The following CROT variants were observed in gnomAD, a reference collection of about 807,000 sequenced individuals.
CROT encodes peroxisomal carnitine O-octanoyltransferase.
In CROT, 84 loss-of-function variants were observed where a neutral mutation model predicts 89.2. That is an observed-to-expected ratio of 0.94 (90% CI 0.79 to 1.13). The LOEUF is 1.13. Ranked by LOEUF, CROT falls within the 50% of genes most tolerant of loss-of-function variation. The pLI is 0.00. For synonymous variants in CROT, 212 were observed against 239.5 expected (o/e 0.89, Z 1.06); for missense variants, 711 against 727.8 (o/e 0.98, Z 0.27).
At chr7:87,359,557 G>A in intron 4 of CROT, 1 of 1,278,610 alleles carries the variant, frequency 7.8e-7, no homozygotes, top group South Asian at 1.8e-5. Context: ...GATTCACATG[G>A]CTGGAATGAG....
At chr7:87,392,029 G>A (rs1343791197) in intron 14 of CROT, among the ~76,000 whole-genome samples, 1 of 152,160 alleles carries the variant, frequency 6.6e-6, no homozygotes, top group African/African-American at 2.4e-5. Flanking sequence ...GCCTTTAAAA[G>A]GAAGGTTTTC....
chr7:87,361,129 A>T (rs1052442890), intron 4 of CROT, among the ~76,000 whole-genome samples: 3 of 142,122 alleles, frequency 2.1e-5, no homozygotes, highest in South Asian at 4.5e-4. Flanking sequence ...CAGCTAATTA[A>T]TTTTTTTTTT....
At chr7:87,392,468 C>G (rs1807393664) in intron 14 of CROT, 98 bp from the exon 15 acceptor site, 3 of 891,114 alleles carry the variant, frequency 3.4e-6, no homozygotes, top group Non-Finnish European at 5.4e-6. Context: ...CTTTCCTCTC[C>G]CAAATTACCC....
chr7:87,391,684 G>A lies in CROT; in HGVS notation c.1397G>A (p.Cys466Tyr), dbSNP rs1348914088. 6.2e-6 allele frequency: 10 copies of A among 1,610,540 alleles called. No individual in the cohort carries two copies. The highest frequency in any genetic ancestry group is 8.5e-6 in the Non-Finnish European group (10 of 1,178,752). ...TGCACAGTTGAAGCAGTGAGGTGGTGCCAGTCCATGCAGGATCCTTCTGTC... is the reference window on the plus strand; with the variant it reads ...TGCACAGTTGAAGCAGTGAGGTGGTACCAGTCCATGCAGGATCCTTCTGTC... ...RSCTVEAVRW[C>Y]QSMQDPSVNL... The change falls in exon 14 of 18, where the codon TGC becomes TAC. Residue 466 changes from cysteine to tyrosine, a missense_variant. Coordinates refer to ENST00000331536, the MANE Select transcript of CROT (RefSeq NM_021151.4).
At chr7:87,388,662 C>T (rs192641661) in intron 13 of CROT, among the ~76,000 whole-genome samples, 2 of 152,092 alleles carry the variant, frequency 1.3e-5, no homozygotes, top group African/African-American at 2.4e-5. Flanking sequence ...AGACCTAAAC[C>T]CATAAAAACT....
chr7:87,357,477 A>G (rs2115822829), intron 3 of CROT: 1 of 1,551,702 alleles, frequency 6.4e-7, no homozygotes, highest in South Asian at 1.2e-5. Flanking sequence ...TCTCCTCAGC[A>G]TGGGATCTCA....
rs1382593122 is a variant in CROT, at chr7:87,359,569, C to T, written c.240+239C>T. 5.6e-6 allele frequency: 7 copies of T among 1,244,802 alleles called. No homozygotes were observed. In the African/African-American group the frequency reaches 6.2e-5, roughly 11 times the overall value. 77.1% of individuals were successfully genotyped at this position (1,244,802 alleles called of 1,614,324 possible). The stretch of plus-strand genomic sequence containing the variant: ...TCTGATTCACATGGCTGGAATGAGG[C>T]CCAGAGATTCTTATTTTAACAATCA... On this transcript the variant is annotated intron_variant, in intron 4 of 17. Transcript: ENST00000331536.
At chr7:87,349,313 G>T in intron 3 of CROT, 130 bp downstream of exon 3, 1 of 464,366 alleles carries the variant, frequency 2.2e-6, no homozygotes, top group South Asian at 5.4e-5. Context: ...CTTGCAGGAA[G>T]GAATTCAAGG....
At chr7:87,369,337 C>A in intron 6 of CROT, 39 bp from the exon 7 acceptor site, 1 of 1,429,408 alleles carries the variant, frequency 7.0e-7, no homozygotes, top group African/African-American at 1.4e-5. Context: ...CCTGTTTAAC[C>A]TTAGATTTGA....
In CROT at chr7:87,398,722, G is replaced by C; in HGVS notation, c.*78G>C. 1.5e-6 allele frequency: 2 copies of C among 1,376,042 alleles called. No individual in the cohort carries two copies. Among genetic ancestry groups the C allele is most frequent in the South Asian group, 2.6e-5 (2 of 76,322 alleles). 85.2% of individuals were successfully genotyped at this position (1,376,042 alleles called of 1,614,324 possible). On this transcript the variant is annotated 3_prime_UTR_variant, in exon 18 of 18. Transcript: ENST00000331536. ...GGGAGTGAGTTGGTAATATGAGATG[G>C]GAAGGAATGTTGACTTGCTAACATT... is the stretch of plus-strand genomic sequence containing the variant.
chr7:87,356,912 C>T (rs1806093049), intron 3 of CROT, among the ~76,000 whole-genome samples: 1 of 152,166 alleles, frequency 6.6e-6, no homozygotes, highest in Non-Finnish European at 1.5e-5. Context: ...ATTCTAGCTA[C>T]TTGGGAGGCT....
intron 13 of CROT, among the ~76,000 whole-genome samples, chr7:87,383,748 T>C (rs1807100249): frequency 6.6e-6 from 1 of 152,044 alleles, no homozygotes; most frequent in Non-Finnish European, 1.5e-5. Context: ...CTGCGTGCCT[T>C]GGCCTCCCAA....
intron 14 of CROT, among the ~76,000 whole-genome samples, 197 bp downstream of exon 14, chr7:87,391,909 G>A (rs1207354632): frequency 6.6e-6 from 1 of 152,158 alleles, no homozygotes; most frequent in African/African-American, 2.4e-5. Context: ...GGCAGGAAAA[G>A]GATCCCATTT....
intron 13 of CROT, among the ~76,000 whole-genome samples, chr7:87,391,023 C>T (rs1807341586): frequency 6.6e-6 from 1 of 152,202 alleles, no homozygotes; most frequent in Non-Finnish European, 1.5e-5. Context: ...TTTTCATCTG[C>T]TCTCCTGAGG....
At chr7:87,384,547 A>C (rs1426857227) in intron 13 of CROT, among the ~76,000 whole-genome samples, 1 of 152,180 alleles carries the variant, frequency 6.6e-6, no homozygotes, top group African/African-American at 2.4e-5. Flanking sequence ...AACAAAAAAG[A>C]TTATTTGTCC....
intron 17 of CROT, among the ~76,000 whole-genome samples, chr7:87,394,680 T>A (rs1807467784): frequency 6.6e-6 from 1 of 152,132 alleles, no homozygotes; most frequent in Admixed American, 6.6e-5. Context: ...GGTGCTATAT[T>A]TTTTATAGCA....
At chr7:87,350,459 G>A (rs1436999382) in intron 3 of CROT, among the ~76,000 whole-genome samples, 1 of 152,114 alleles carries the variant, frequency 6.6e-6, no homozygotes, top group African/African-American at 2.4e-5. Flanking sequence ...TATAGCTGCT[G>A]CTTGAAGAGA....
intron 3 of CROT, chr7:87,354,277 T>TATACAAAC (rs2115807767): frequency 2.1e-6 from 1 of 474,224 alleles, no homozygotes; most frequent in South Asian, 1.5e-5. Context: ...TTATACAATC[T>TATACAAAC]TGTTTCTTAA....
chr7:87,366,105 C>T (rs1332686652), intron 6 of CROT, among the ~76,000 whole-genome samples: 1 of 152,134 alleles, frequency 6.6e-6, no homozygotes, highest in African/African-American at 2.4e-5. Flanking sequence ...CACGACTTCC[C>T]CAAACCCTTC....
Sources: allele counts gnomAD v4.1 joint callset (sites outside exome capture counted in the v4.1 genomes callset), GRCh38; gene constraint gnomAD v4.1.1; transcripts MANE v1.5; gene names NCBI Gene and HGNC (gene_info 2026-07-23, HGNC 2026-07-21).